XKR6: variants seen among roughly 807,000 people sequenced by gnomAD.
XKR6 encodes XK-related protein 6.
XKR6 carries 22 observed loss-of-function variants against 56.7 expected under a neutral mutation model. The ratio of observed to expected loss-of-function variants is 0.39; its 90% CI spans 0.28 to 0.55. XKR6 has a LOEUF of 0.55. Ranked by LOEUF, XKR6 falls within the 20% of genes least tolerant of loss-of-function variation. The probability of loss-of-function intolerance (pLI) is 0.66; values close to 1 mark genes in which losing one functional copy is unlikely to be tolerated. For synonymous variants in XKR6, 524 were observed against 387.8 expected, an observed-to-expected ratio of 1.35 and a Z score of -4.13; for missense variants, 852 against 889.0, an observed-to-expected ratio of 0.96 and a Z score of 0.53.
chr8:10,965,576 C>T (rs1399772138), intron 1 of XKR6, among the ~76,000 whole-genome samples: 1 of 152,226 alleles, frequency 6.6e-6, no homozygotes, highest in Non-Finnish European at 1.5e-5. Context: ...GCCTGTGGGA[C>T]GGGCTCCCGA....
intron 1 of XKR6, among the ~76,000 whole-genome samples, chr8:10,933,734 T>A (rs1418368577): frequency 1.1e-4 from 16 of 150,292 alleles, no homozygotes; most frequent in Non-Finnish European, 1.9e-4. Context: ...TTCTGAGGGC[T>A]CTATTCTGTT....
chr8:11,168,817 T>C (rs904622732), intron 1 of XKR6, among the ~76,000 whole-genome samples: 1 of 152,188 alleles, frequency 6.6e-6, no homozygotes, highest in Non-Finnish European at 1.5e-5. Flanking sequence ...CCCACTCAGA[T>C]ACAGGAACAA....
At chr8:11,115,935 C>T (rs1239099873) in intron 1 of XKR6, among the ~76,000 whole-genome samples, 1 of 152,166 alleles carries the variant, frequency 6.6e-6, no homozygotes, top group Non-Finnish European at 1.5e-5. Context: ...AATGTTTTGA[C>T]TCTGAAGTTC....
chr8:11,194,221 G>A (rs1803742671), intron 1 of XKR6, among the ~76,000 whole-genome samples: 2 of 152,112 alleles, frequency 1.3e-5, no homozygotes, highest in South Asian at 4.1e-4. Context: ...TTTTTACACT[G>A]AAGGGACATT....
At chr8:11,060,157 A>C (rs1799793654) in intron 1 of XKR6, among the ~76,000 whole-genome samples, 1 of 152,208 alleles carries the variant, frequency 6.6e-6, no homozygotes, top group Non-Finnish European at 1.5e-5. Context: ...GGAGGGTGGC[A>C]GGCGGAGATA....
chr8:11,051,544 A>G (rs2129159912), intron 1 of XKR6, among the ~76,000 whole-genome samples: 1 of 152,292 alleles, frequency 6.6e-6, no homozygotes, highest in South Asian at 2.1e-4. Context: ...CAGTTGCTCA[A>G]GCCAAAAAAA....
At chr8:11,052,288 C>T (rs746681589) in intron 1 of XKR6, among the ~76,000 whole-genome samples, 5 of 152,144 alleles carry the variant, frequency 3.3e-5, no homozygotes, top group East Asian at 1.9e-4. Flanking sequence ...CCTTGACTCC[C>T]GAATCTAAAA....
At chr8:11,111,048 G>A (rs1276195042) in intron 1 of XKR6, among the ~76,000 whole-genome samples, 1 of 144,848 alleles carries the variant, frequency 6.9e-6, no homozygotes, top group Non-Finnish European at 1.5e-5. Flanking sequence ...TAGAGACAGG[G>A]TTTCACTGTG....
chr8:11,012,400 A>AATAC, intron 1 of XKR6, among the ~76,000 whole-genome samples: 1 of 152,358 alleles, frequency 6.6e-6, no homozygotes, highest in Non-Finnish European at 1.5e-5. Context: ...TGAATGAGTT[A>AATAC]ATACATGTAA....
At chr8:11,115,019 G>C (rs1378492333) in intron 1 of XKR6, among the ~76,000 whole-genome samples, 1 of 152,140 alleles carries the variant, frequency 6.6e-6, no homozygotes. Context: ...AGTGAGTCTG[G>C]AGTCGTCAGC....
intron 1 of XKR6, among the ~76,000 whole-genome samples, chr8:10,948,923 G>T (rs925568715): frequency 6.6e-6 from 1 of 152,230 alleles, no homozygotes; most frequent in African/African-American, 2.4e-5. Context: ...ACATGTTAGA[G>T]CCCAAATCTT....
chr8:11,095,564 A>G (rs73662692), intron 1 of XKR6, among the ~76,000 whole-genome samples: 9,880 of 152,276 alleles, frequency 0.065, 1,097 homozygotes, highest in African/African-American at 0.23. Context: ...AGCTAGAATG[A>G]CAGCCTGATT....
intron 1 of XKR6, 146 bp from the exon 2 acceptor site, chr8:10,924,976 G>C: frequency 1.1e-6 from 1 of 874,932 alleles, no homozygotes; most frequent in East Asian, 2.7e-5. Flanking sequence ...ACGGGGCTCT[G>C]GGGGGCTCCC....
At chr8:11,035,209 GGAT>G (rs903980411) in intron 1 of XKR6, 2 of 534,582 alleles carry the variant, frequency 3.7e-6, no homozygotes, top group Admixed American at 1.9e-5. Context: ...GTGGCTGCTC[GGAT>G]GATGATGATG....
intron 1 of XKR6, among the ~76,000 whole-genome samples, chr8:11,150,677 AC>A (rs1801227809): frequency 6.6e-6 from 1 of 151,858 alleles, no homozygotes; most frequent in African/African-American, 2.4e-5. Context: ...ACATGGTGAA[AC>A]CCCGTCTCTA....
chr8:11,131,710 C>T (rs1800111593), intron 1 of XKR6, among the ~76,000 whole-genome samples: 1 of 152,088 alleles, frequency 6.6e-6, no homozygotes, highest in South Asian at 2.1e-4. Context: ...ATGGTGGTCC[C>T]AGATGATTAT....
chr8:11,188,713 T>C (rs1393298657), intron 1 of XKR6, among the ~76,000 whole-genome samples: 1 of 152,166 alleles, frequency 6.6e-6, no homozygotes, highest in Non-Finnish European at 1.5e-5. Context: ...CCAAACAAAA[T>C]GACAGATTTG....
At chr8:11,099,868 C>T (rs1798401708) in intron 1 of XKR6, among the ~76,000 whole-genome samples, 1 of 152,066 alleles carries the variant, frequency 6.6e-6, no homozygotes. Context: ...TGGGCAGAGC[C>T]CTCTCTGCGG....
chr8:11,112,683 C>A (rs537655499), intron 1 of XKR6, among the ~76,000 whole-genome samples: 1 of 152,162 alleles, frequency 6.6e-6, no homozygotes, highest in Non-Finnish European at 1.5e-5. Context: ...ACTGGTTTTT[C>A]TTTAAGAACA....
Sources: gnomAD v4.1 joint callset for allele counts (sites outside exome capture counted in the v4.1 genomes callset) on GRCh38, gnomAD v4.1.1 for gene constraint, MANE v1.5 for transcripts, NCBI Gene and HGNC (gene_info 2026-07-23, HGNC 2026-07-21) for gene names.